Variants in VPS35L observed in about 807,000 individuals in gnomAD.
VPS35L encodes VPS35 endosomal protein sorting factor like.
In VPS35L, 83 loss-of-function variants were observed where a neutral mutation model predicts 133.0. The ratio of observed to expected loss-of-function variants is 0.62; its 90% CI spans 0.52 to 0.75. The LOEUF is 0.75. Ranked by LOEUF, VPS35L falls within the 30% of genes least tolerant of loss-of-function variation. The probability of loss-of-function intolerance (pLI) is 0.00; values close to 1 mark genes in which losing one functional copy is unlikely to be tolerated. For missense variants in VPS35L, 1,083 were observed against 1,206.8 expected, an observed-to-expected ratio of 0.90 and a Z score of 1.52; for synonymous variants, 423 against 449.9, an observed-to-expected ratio of 0.94 and a Z score of 0.76.
intron 20 of VPS35L, among the ~76,000 whole-genome samples, chr16:19,638,979 G>T (rs1357363236): frequency 6.6e-6 from 1 of 152,170 alleles, no homozygotes; most frequent in African/African-American, 2.4e-5. Context: ...GGTGGTGCAT[G>T]CCTGTAGTCC....
chr16:19,689,416 G>A (rs954489277), intron 28 of VPS35L, among the ~76,000 whole-genome samples: 38 of 151,886 alleles, frequency 2.5e-4, no homozygotes, highest in African/African-American at 7.5e-4. Flanking sequence ...GACTACAAGC[G>A]TGCACCACCA....
intron 4 of VPS35L, 149 bp downstream of exon 4, chr16:19,573,390 T>TGACATATA (rs1971442928): frequency 1.0e-5 from 9 of 884,278 alleles, no homozygotes; most frequent in Non-Finnish European, 1.3e-5. Flanking sequence ...AGGCTTCATG[T>TGACATATA]AGTATGTCAG....
chr16:19,578,335 C>T (rs1459850167), intron 5 of VPS35L: 2 of 445,026 alleles, frequency 4.5e-6, no homozygotes, highest in South Asian at 3.2e-5. Context: ...GATCGCGCCA[C>T]CGCACTCCAG....
At chr16:19,611,098 C>G (rs1479079233) in intron 12 of VPS35L, among the ~76,000 whole-genome samples, 1 of 152,162 alleles carries the variant, frequency 6.6e-6, no homozygotes, top group Non-Finnish European at 1.5e-5. Flanking sequence ...CGCCTGGGTT[C>G]AAATGATTCT....
At chr16:19,599,347 A>C (rs1250100001) in intron 8 of VPS35L, among the ~76,000 whole-genome samples, 1 of 152,160 alleles carries the variant, frequency 6.6e-6, no homozygotes, top group East Asian at 1.9e-4. Context: ...GCCCAGTTGG[A>C]GAAGCACTGG....
intron 1 of VPS35L, among the ~76,000 whole-genome samples, chr16:19,556,596 G>A (rs1363650598): frequency 6.6e-6 from 1 of 152,180 alleles, no homozygotes; most frequent in Non-Finnish European, 1.5e-5. Flanking sequence ...CTCAGAAAGC[G>A]AGATAATTTA....
chr16:19,652,927 G>T (rs554588157), intron 26 of VPS35L, among the ~76,000 whole-genome samples: 23 of 152,312 alleles, frequency 1.5e-4, no homozygotes, highest in Middle Eastern at 3.4e-3. Flanking sequence ...ATTTATTTGG[G>T]AGAAGGTGAT....
At chr16:19,589,875 C>T (rs1971985550) in intron 7 of VPS35L, among the ~76,000 whole-genome samples, 1 of 152,172 alleles carries the variant, frequency 6.6e-6, no homozygotes, top group Non-Finnish European at 1.5e-5. Context: ...CTCTGAGAGA[C>T]TGTCCAAGCC....
chr16:19,639,151 C>T lies in VPS35L; in HGVS notation c.1699-864C>T, dbSNP rs373474251. 3.1e-4 allele frequency among the ~76,000 whole-genome samples: 47 copies of T among 152,310 alleles called. No individual in the cohort carries two copies. The highest frequency in any genetic ancestry group is 9.9e-4 in the African/African-American group (41 of 41,556). The stretch of plus-strand genomic sequence containing the variant: ...TCTAGAATTTTCTATTTAATATTTT[C>T]GGATGGCCGTTAACCGAGGATAACT... On this transcript the variant is annotated intron_variant, in intron 20 of 30. Transcript: ENST00000417362. This position sits in a 1 kb window ranked among gnomAD's most constrained non-coding sequence, Gnocchi z 4.1.
At chr16:19,605,560 C>G (rs1972514192) in intron 9 of VPS35L, among the ~76,000 whole-genome samples, 1 of 152,186 alleles carries the variant, frequency 6.6e-6, no homozygotes, top group African/African-American at 2.4e-5. Flanking sequence ...TGTTCTTTGA[C>G]CATAGTGAGG....
At chr16:19,671,832 G>C (rs1974886458) in intron 27 of VPS35L, among the ~76,000 whole-genome samples, 2 of 152,290 alleles carry the variant, frequency 1.3e-5, no homozygotes, top group East Asian at 3.9e-4. Context: ...GGCTGCCGCA[G>C]GGTGCATGGC....
chr16:19,564,429 C>T (rs771782451), intron 1 of VPS35L, among the ~76,000 whole-genome samples: 10 of 152,092 alleles, frequency 6.6e-5, no homozygotes, highest in Middle Eastern at 3.4e-3. Flanking sequence ...CATGGAGTCT[C>T]GCTCTGTGGC....
At chr16:19,673,412 G>A (rs915242688) in intron 27 of VPS35L, among the ~76,000 whole-genome samples, 7 of 152,204 alleles carry the variant, frequency 4.6e-5, no homozygotes, top group South Asian at 2.1e-4. Context: ...TGCAGGCAGC[G>A]TATGCCTTTC....
intron 21 of VPS35L, among the ~76,000 whole-genome samples, chr16:19,640,980 T>G (rs149327614): frequency 2.3e-4 from 35 of 152,296 alleles, no homozygotes; most frequent in African/African-American, 8.2e-4. Flanking sequence ...TCTCCTGGGC[T>G]CAAGCCATCC....
chr16:19,599,341 A>G (rs1309332075), intron 8 of VPS35L, among the ~76,000 whole-genome samples: 1 of 152,184 alleles, frequency 6.6e-6, no homozygotes, highest in African/African-American at 2.4e-5. Flanking sequence ...TCTGCAGCCC[A>G]GTTGGAGAAG....
At position 19,652,158 on chromosome 16, in the gene VPS35L, G is replaced by A. The variant is rs567768148; in HGVS notation, c.2221+68G>A. The A allele has an allele frequency of 1.7e-4, 186 of 1,076,726 alleles. 1 individual carries two copies. In the South Asian group the frequency reaches 2.0e-3, roughly 11 times the overall value. 66.7% of individuals were successfully genotyped at this position (1,076,726 alleles called of 1,614,324 possible). A position where few individuals can be genotyped will look rare whatever the true frequency, so the allele number is the denominator to read the frequency against. On this transcript the variant is annotated intron_variant, in intron 26 of 30. Transcript: ENST00000417362. Reference sequence around the variant, plus strand: ...TAGGAAAACTGACTCAGGTGTGTGCGTATGTGTGTAGAGAGAGACAAAGAT... The same window carrying A: ...TAGGAAAACTGACTCAGGTGTGTGCATATGTGTGTAGAGAGAGACAAAGAT...
intron 29 of VPS35L, among the ~76,000 whole-genome samples, chr16:19,692,060 T>A (rs900715410): frequency 2.6e-5 from 4 of 152,118 alleles, no homozygotes; most frequent in Non-Finnish European, 5.9e-5. Flanking sequence ...ATTTTTTTAG[T>A]AGAGATGGGG....
At chr16:19,647,699 A>G in intron 23 of VPS35L, 85 bp from the exon 24 acceptor site, 1 of 1,030,884 alleles carries the variant, frequency 9.7e-7, no homozygotes, top group Non-Finnish European at 1.5e-6. Context: ...TGAGGTGGCA[A>G]TAATAATATT....
At position 19,649,081 on chromosome 16, in the gene VPS35L, C is replaced by T. The variant is rs575293831; in HGVS notation, c.2028+1199C>T. On this transcript the variant is annotated intron_variant, in intron 24 of 30. Coordinates refer to ENST00000417362, the MANE Select transcript of VPS35L (RefSeq NM_020314.7). The stretch of plus-strand genomic sequence containing the variant: ...TTGGCTCACTGCAACCTCCACCTCC[C>T]GGGTTCAAGTGATTCTCTTGCCTCA... Among the ~76,000 whole-genome samples, 6 of 152,092 alleles carry T rather than the reference C, an allele frequency of 3.9e-5. No homozygotes were observed. In the South Asian group the frequency reaches 8.3e-4, roughly 21 times the overall value.
Sources: allele counts gnomAD v4.1 joint callset (sites outside exome capture counted in the v4.1 genomes callset), GRCh38; gene constraint gnomAD v4.1.1; non-coding constraint Gnocchi (gnomAD v3.1); transcripts MANE v1.5; gene names NCBI Gene and HGNC (gene_info 2026-07-23, HGNC 2026-07-21).